The following DOP1B variants were observed in gnomAD, a reference collection of about 807,000 sequenced individuals.
DOP1B encodes the protein protein DOP1B.
In DOP1B, 174 loss-of-function variants were observed where a neutral mutation model predicts 233.5. That is an observed-to-expected ratio of 0.75 (90% CI 0.66 to 0.85). The LOEUF (loss-of-function observed/expected upper bound fraction) is 0.85. Ranked by LOEUF, DOP1B falls within the 40% of genes least tolerant of loss-of-function variation. The pLI, the probability that DOP1B is intolerant of heterozygous loss-of-function variation, is 0.00. For synonymous variants in DOP1B, 1,190 were observed against 1,185.6 expected (o/e 1.00, Z -0.08); for missense variants, 2,652 against 2,846.6 (o/e 0.93, Z 1.56).
intron 2 of DOP1B, among the ~76,000 whole-genome samples, chr21:36,172,380 C>G (rs1392686717): frequency 1.3e-5 from 2 of 152,134 alleles, no homozygotes; most frequent in Non-Finnish European, 2.9e-5. Flanking sequence ...CTGGAGGGAG[C>G]ACATCTTGAT....
At chr21:36,287,365 G>A (rs1411702865) in intron 32 of DOP1B, among the ~76,000 whole-genome samples, 1 of 151,946 alleles carries the variant, frequency 6.6e-6, no homozygotes, top group African/African-American at 2.4e-5. Flanking sequence ...TGGTTTCTGC[G>A]TCTCCTCATT....
At chr21:36,208,455 G>A (rs144633732) in intron 4 of DOP1B, among the ~76,000 whole-genome samples, 263 of 152,330 alleles carry the variant, frequency 1.7e-3, no homozygotes, top group Middle Eastern at 6.8e-3. Context: ...ACGCACGACT[G>A]CTTAGCCACT....
At chr21:36,250,208 C>A (rs1439426813) in intron 21 of DOP1B, among the ~76,000 whole-genome samples, 2 of 152,208 alleles carry the variant, frequency 1.3e-5, no homozygotes, top group African/African-American at 2.4e-5. Context: ...AAAGAGGGGA[C>A]AGCTCCATTG....
chr21:36,259,211 C>T (rs552560723), intron 23 of DOP1B, among the ~76,000 whole-genome samples: 4 of 151,948 alleles, frequency 2.6e-5, no homozygotes, highest in South Asian at 4.2e-4. Context: ...GTGATCCACC[C>T]GCCTCGGCTT....
At chr21:36,158,751 C>T (rs1441741899) in intron 1 of DOP1B, among the ~76,000 whole-genome samples, 4 of 140,038 alleles carry the variant, frequency 2.9e-5, no homozygotes, top group Admixed American at 1.6e-4. Flanking sequence ...TGCAGTGAGC[C>T]GAAATGGCGC....
At chr21:36,287,579 CTTTTTT>C (rs869203517) in intron 32 of DOP1B, among the ~76,000 whole-genome samples, 5 of 73,124 alleles carry the variant, frequency 6.8e-5, no homozygotes, top group African/African-American at 1.7e-4. Context: ...TCCTAACATT[CTTTTTT>C]TTTTTTTTTT....
intron 17 of DOP1B, 93 bp from the exon 18 acceptor site, chr21:36,239,672 G>T (rs1035353028): frequency 1.4e-6 from 2 of 1,384,078 alleles, no homozygotes; most frequent in East Asian, 2.6e-5. Context: ...TAGGGTACCT[G>T]TGTTGGGTGA....
chr21:36,176,097 C>CGTGTGTGTGTGCGT (rs2066023740), intron 2 of DOP1B, among the ~76,000 whole-genome samples: 1 of 141,744 alleles, frequency 7.1e-6, no homozygotes, highest in African/African-American at 2.6e-5. Context: ...GGTGTGTGTG[C>CGTGTGTGTGTGCGT]GTGTGTGTGT....
At chr21:36,206,190 T>C (rs925062035) in intron 4 of DOP1B, among the ~76,000 whole-genome samples, 1 of 152,172 alleles carries the variant, frequency 6.6e-6, no homozygotes, top group African/African-American at 2.4e-5. Context: ...TATGATGTCA[T>C]TTAAATTGTT....
chr21:36,225,627 T>C lies in DOP1B; in HGVS notation c.1433T>C (p.Leu478Pro), dbSNP rs905572702. Residue 478 changes from leucine to proline, a missense_variant, in exon 12 of 37, where the codon CTC (leucine) becomes CCC (proline). Around this residue, in one of 3 missense-constraint regions of DOP1B, gnomAD observed 2,617 missense variants for 2,794.3 expected, o/e 0.94. Coordinates refer to ENST00000691173, the MANE Select transcript of DOP1B (RefSeq NM_001320714.2). Reference sequence around the variant, plus strand: ...AGCCCTCCCCCCACGGTCTCGGAGCTCTGCGCCCTCCTGGTCTTCCTGCTG... The same window carrying C: ...AGCCCTCCCCCCACGGTCTCGGAGCCCTGCGCCCTCCTGGTCTTCCTGCTG... Reference protein sequence around the residue: ...SVSPPPTVSELCALLVFLLDV... With the variant: ...SVSPPPTVSEPCALLVFLLDV... 12 of 1,614,106 alleles carry C rather than the reference T, an allele frequency of 7.4e-6. No homozygotes were observed. Among genetic ancestry groups the C allele is most frequent in the Non-Finnish European group, 1.0e-5 (12 of 1,180,050 alleles).
rs552037419 is a variant in DOP1B, at chr21:36,256,878, G to A, written c.5259+2969G>A. 1.1e-3 allele frequency among the ~76,000 whole-genome samples: 171 copies of A among 152,168 alleles called. 1 individual carries two copies. The highest frequency in any genetic ancestry group is 3.3e-3 in the African/African-American group (139 of 41,510). On this transcript the variant is annotated intron_variant, in intron 23 of 36. Coordinates refer to ENST00000691173, the MANE Select transcript of DOP1B (RefSeq NM_001320714.2). ...CACCAGCAAGCAAGCAATTGATTCC[G>A]CAGTGGACACCAGTTGGGTGTCCTC...
intron 15 of DOP1B, among the ~76,000 whole-genome samples, chr21:36,236,758 C>CT (rs1266553273): frequency 2.0e-5 from 3 of 146,876 alleles, no homozygotes; most frequent in South Asian, 4.4e-4. Flanking sequence ...TCCTTTTTTT[C>CT]TTTTTTCTTT....
intron 12 of DOP1B, 52 bp downstream of exon 12, chr21:36,225,719 C>T (rs374991617): frequency 1.3e-6 from 2 of 1,574,948 alleles, no homozygotes; most frequent in African/African-American, 2.7e-5. Context: ...TACATTCTTA[C>T]TGGTGGTGAT....
Position 36,233,091 on chromosome 21 carries a change from A to G in DOP1B, c.2622+16A>G. 1 of 1,612,608 alleles carries G rather than the reference A, an allele frequency of 6.2e-7. No individual in the cohort carries two copies. The highest frequency in any genetic ancestry group is 8.5e-7 in the Non-Finnish European group (1 of 1,179,258). On this transcript the variant is annotated intron_variant, in intron 15 of 36. Transcript: ENST00000691173. The stretch of plus-strand genomic sequence containing the variant: ...TTTCTATCAGGTATTTCCCACTGGG[A>G]ACACTCTTCTTATGGCCTCCTTCTC...
intron 35 of DOP1B, among the ~76,000 whole-genome samples, chr21:36,291,039 G>A (rs188571094): frequency 9.2e-5 from 14 of 151,818 alleles, no homozygotes; most frequent in African/African-American, 2.4e-4. Context: ...CGAGGCAGGC[G>A]GATCATGAGG....
intron 13 of DOP1B, among the ~76,000 whole-genome samples, chr21:36,228,304 A>G (rs549635063): frequency 3.4e-4 from 52 of 152,134 alleles, no homozygotes; most frequent in African/African-American, 1.2e-3. Context: ...CTCTATTAAA[A>G]ATACAAAAAT....
intron 1 of DOP1B, among the ~76,000 whole-genome samples, chr21:36,159,190 G>C (rs2065847703): frequency 6.6e-6 from 1 of 152,090 alleles, no homozygotes; most frequent in Non-Finnish European, 1.5e-5. Context: ...AGTGGCTTAT[G>C]CCTGTAATCC....
At chr21:36,257,224 C>A (rs751101185) in intron 23 of DOP1B, among the ~76,000 whole-genome samples, 1 of 152,142 alleles carries the variant, frequency 6.6e-6, no homozygotes, top group Non-Finnish European at 1.5e-5. Flanking sequence ...GGGCACAGAA[C>A]CTTCATGTGC....
intron 15 of DOP1B, 49 bp downstream of exon 15, chr21:36,233,124 G>T: frequency 6.3e-7 from 1 of 1,582,504 alleles, no homozygotes; most frequent in Non-Finnish European, 8.6e-7. Flanking sequence ...CTCCCCCTGA[G>T]CAAAACTCAG....
Sources: allele counts gnomAD v4.1 joint callset (sites outside exome capture counted in the v4.1 genomes callset), GRCh38; gene constraint gnomAD v4.1.1; regional missense constraint gnomAD v4.1.1; transcripts MANE v1.5; gene names NCBI Gene and HGNC (gene_info 2026-07-23, HGNC 2026-07-21).